The following CEP76 variants were observed in gnomAD, a reference collection of about 807,000 sequenced individuals.
CEP76 encodes the protein centrosomal protein of 76 kDa.
A neutral mutation model predicts 83.3 loss-of-function variants in CEP76; 55 were observed. That is an observed-to-expected ratio of 0.66 (90% CI 0.53 to 0.83). CEP76 has a LOEUF of 0.83. Ranked by LOEUF, CEP76 falls within the 40% of genes least tolerant of loss-of-function variation. The pLI, the probability that CEP76 is intolerant of heterozygous loss-of-function variation, is 0.00. For synonymous variants in CEP76, 270 were observed against 274.5 expected (o/e 0.98, Z 0.16); for missense variants, 694 against 799.5 (o/e 0.87, Z 1.59).
Position 12,699,123 on chromosome 18 carries a change from C to G in CEP76, c.376G>C (p.Glu126Gln). 6.2e-7 allele frequency: 1 copy of G among 1,614,084 alleles called. No individual in the cohort carries two copies. Among genetic ancestry groups the G allele is most frequent in the Non-Finnish European group, 8.5e-7 (1 of 1,179,998 alleles). The change falls in exon 4 of 12, where the codon GAG (glutamate) becomes CAG (glutamine). Residue 126 changes from glutamate (E) to glutamine (Q), a missense_variant. Transcript: ENST00000262127. ...GAACAAACTTGTCCAGGTAAAGGCT[C>G]AGGTTCTTGCAGATGTTCCAAGAAA... Reference protein sequence around the residue: ...KAFLEHLQEPEPLPGQVCSTF... With the variant: ...KAFLEHLQEPQPLPGQVCSTF...
At chr18:12,670,132 C>G (rs1248536632), downstream of CEP76, among the ~76,000 whole-genome samples, 1 of 152,120 alleles carries the variant, frequency 6.6e-6, no homozygotes, top group Non-Finnish European at 1.5e-5. Context: ...GAGTTCGCGA[C>G]CAGCCTGGGC....
chr18:12,702,562 G>T lies in CEP76; in HGVS notation c.-14C>A. 1.3e-6 allele frequency: 2 copies of T among 1,560,182 alleles called. No homozygotes were observed. Among genetic ancestry groups the T allele is most frequent in the East Asian group, 2.4e-5 (1 of 41,578 alleles). On this transcript the variant is annotated 5_prime_UTR_variant, in exon 1 of 12. Coordinates refer to ENST00000262127, the MANE Select transcript of CEP76 (RefSeq NM_024899.4). ...AGGCAGCGACATGCTGGCAGCCGGC[G>T]TCTCCCCGCCGCTTCTCCCCGCCTC...
intron 12 of CEP76, among the ~76,000 whole-genome samples, chr18:12,663,808 C>G (rs1023647194): frequency 6.6e-6 from 1 of 152,074 alleles, no homozygotes; most frequent in East Asian, 1.9e-4. Context: ...TTCTGCTGCC[C>G]AGGCTGGATG....
At chr18:12,681,708 C>G (rs2039355304) in intron 8 of CEP76, among the ~76,000 whole-genome samples, 2 of 151,602 alleles carry the variant, frequency 1.3e-5, no homozygotes, top group African/African-American at 2.4e-5. Flanking sequence ...AAATGACTGG[C>G]AAGAACAACA....
In CEP76 at chr18:12,700,991, A is replaced by G; in HGVS notation, c.186T>C (p.Ile62=). 1 of 1,613,190 alleles carries G rather than the reference A, an allele frequency of 6.2e-7. No homozygotes were observed. The highest frequency in any genetic ancestry group is 1.1e-5 in the South Asian group (1 of 90,760). ...AATTAAGTTCTTTCATCACATCGTCAATGATTCCTCGACGTCTAAGGGCTT... is the reference window on the plus strand; with the variant it reads ...AATTAAGTTCTTTCATCACATCGTCGATGATTCCTCGACGTCTAAGGGCTT... ...LIKALRRRGI[I]DDVMKELNFV... is the part of the protein sequence containing the mutation. The change falls in exon 2 of 12, where the codon ATT becomes ATC. Residue 62 remains isoleucine (I), a synonymous_variant. Coordinates refer to ENST00000262127, the MANE Select transcript of CEP76 (RefSeq NM_024899.4).
chr18:12,670,333 AAAAAAAG>A (rs398041436), downstream of CEP76: 1 of 150,138 alleles, frequency 6.7e-6, no homozygotes, highest in Admixed American at 6.6e-5. Context: ...CTGTCTCAAA[AAAAAAAG>A]AAAAAAGAAT....
intron 12 of CEP76, among the ~76,000 whole-genome samples, chr18:12,664,330 C>T (rs1268128052): frequency 2.6e-5 from 4 of 151,702 alleles, no homozygotes; most frequent in Non-Finnish European, 2.9e-5. Flanking sequence ...GATCACGAGG[C>T]CAGGAGATCG....
chr18:12,690,657 G>T (rs530763017), intron 7 of CEP76, among the ~76,000 whole-genome samples: 1 of 152,022 alleles, frequency 6.6e-6, no homozygotes, highest in Admixed American at 6.6e-5. Context: ...GGGTTTCACC[G>T]TGTTAGCCAG....
intron 3 of CEP76, 92 bp downstream of exon 3, chr18:12,699,738 A>G (rs1477781669): frequency 1.4e-6 from 1 of 718,498 alleles, no homozygotes; most frequent in Admixed American, 3.6e-5. Context: ...TTGGGGGGAA[A>G]AAATGGAAAT....
intron 8 of CEP76, among the ~76,000 whole-genome samples, chr18:12,683,001 G>C (rs2039404181): frequency 6.6e-6 from 1 of 151,950 alleles, no homozygotes; most frequent in Admixed American, 6.6e-5. Flanking sequence ...TATCTGCAAA[G>C]ATAGTCAGTG....
At position 12,698,815 on chromosome 18, in the gene CEP76, G is replaced by C. The variant is rs553444555; in HGVS notation, c.520+164C>G. ...GAAAATGAATAGCAAACAGAATATT[G>C]CAAGAAGGTGGATAGTAGTTTAAAT... On this transcript the variant is annotated intron_variant, in intron 4 of 11. Transcript: ENST00000262127. 6 of 596,908 alleles carry C rather than the reference G, an allele frequency of 1.0e-5. No individual in the cohort carries two copies. The South Asian group carries it at 1.4e-4, about 14-fold the overall frequency. 37.0% of individuals were successfully genotyped at this position (596,908 alleles called of 1,614,324 possible).
chr18:12,669,392 A>C (rs942357439), downstream of CEP76, among the ~76,000 whole-genome samples: 2 of 151,884 alleles, frequency 1.3e-5, no homozygotes, highest in Admixed American at 6.6e-5. Context: ...GATTACAGGC[A>C]TGAGCCACCG....
intron 12 of CEP76, among the ~76,000 whole-genome samples, chr18:12,664,457 G>A (rs2038762819): frequency 6.6e-6 from 1 of 151,826 alleles, no homozygotes; most frequent in African/African-American, 2.4e-5. Context: ...GGCTGAGGCA[G>A]GAGAATTGCT....
chr18:12,666,455 T>G (rs1348853229), intron 12 of CEP76, among the ~76,000 whole-genome samples: 11 of 149,830 alleles, frequency 7.3e-5, no homozygotes, highest in Non-Finnish European at 1.0e-4. Flanking sequence ...TTTTTTTTTT[T>G]GTGAGGTAGG....
downstream of CEP76, chr18:12,672,538 G>T: frequency 2.1e-6 from 1 of 473,046 alleles, no homozygotes; most frequent in Non-Finnish European, 2.7e-6. Context: ...CATATATGCT[G>T]ATTTTTTTAT....
downstream of CEP76, among the ~76,000 whole-genome samples, chr18:12,667,821 C>T (rs1041061826): frequency 1.5e-5 from 2 of 135,270 alleles, no homozygotes; most frequent in African/African-American, 5.5e-5. Context: ...CAGAAGAAAG[C>T]AATAGACCTG....
intron 2 of CEP76, chr18:12,700,461 T>C (rs557516817): frequency 2.0e-5 from 3 of 153,230 alleles, no homozygotes; most frequent in South Asian, 2.1e-4. Flanking sequence ...TACTTACTAA[T>C]TGTGCACTGA....
At position 12,699,829 on chromosome 18, in the gene CEP76, CT is replaced by C. The variant is rs747064410; in HGVS notation, c.295del (p.Thr99LeufsTer90). The part of the protein sequence containing the change: ...CFDRQSTLKK[T>X]NIDPTRRYLY... ...CTAAATTAATGTTAAAATATACATA[CT>C]TTTTTTTAATGTCGATTGTCTATCA... On this transcript the variant is annotated frameshift_variant and splice_region_variant, in exon 3 of 12. Transcript: ENST00000262127. LOFTEE classifies it high-confidence loss of function. 174 of 1,508,648 alleles carry C rather than the reference CT, an allele frequency of 1.2e-4. No individual in the cohort carries two copies. Among genetic ancestry groups the C allele is most frequent in the Admixed American group, 2.8e-4 (15 of 53,292 alleles). The allele number at this position is 1,508,648 out of a possible 1,614,324, so 93.5% of individuals were successfully genotyped here. A position where few individuals can be genotyped will look rare whatever the true frequency, so the allele number is the denominator to read the frequency against.
intron 8 of CEP76, among the ~76,000 whole-genome samples, chr18:12,683,345 C>T (rs72881199): frequency 0.025 from 3,595 of 146,196 alleles, 48 homozygotes; most frequent in Non-Finnish European, 0.039. Context: ...GAGCGAGACC[C>T]CGTCCTAAAC....
Sources: gnomAD v4.1 joint callset for allele counts (sites outside exome capture counted in the v4.1 genomes callset) on GRCh38, gnomAD v4.1.1 for gene constraint, MANE v1.5 for transcripts, NCBI Gene and HGNC (gene_info 2026-07-23, HGNC 2026-07-21) for gene names.